Variants in WASF2 observed in about 807,000 individuals in gnomAD.
WASF2 encodes the protein WASP family member 2, also known as actin-binding protein WASF2.
WASF2 carries 14 observed loss-of-function variants against 45.0 expected under a neutral mutation model. The ratio of observed to expected loss-of-function variants is 0.31; its 90% confidence interval spans 0.21 to 0.49. WASF2 has a LOEUF of 0.49. WASF2 is among the 20% of genes least tolerant of loss of function. The pLI, the probability that WASF2 is intolerant of heterozygous loss-of-function variation, is 0.99. For missense variants in WASF2, 439 were observed against 636.1 expected, an observed-to-expected ratio of 0.69 and a Z score of 3.33; for synonymous variants, 200 against 236.3, an observed-to-expected ratio of 0.85 and a Z score of 1.41.
chr1:27,418,757 G>T (rs2016860613), intron 3 of WASF2, among the ~76,000 whole-genome samples, 197 bp downstream of exon 3: 1 of 152,170 alleles, frequency 6.6e-6, no homozygotes, highest in African/African-American at 2.4e-5. Context: ...GGGGGAATGG[G>T]AGAAAGGAGT....
chr1:27,428,618 T>G, intron 2 of WASF2, 143 bp downstream of exon 2: 5 of 1,240,588 alleles, frequency 4.0e-6, no homozygotes, highest in East Asian at 2.5e-5. Context: ...GAGCCTCTCT[T>G]TGGGGAGGAG....
rs1557601983 is a variant in WASF2, at chr1:27,428,749, T to G, written c.130+12A>C. 1 of 1,613,998 alleles carries G rather than the reference T, an allele frequency of 6.2e-7. No individual in the cohort carries two copies. The highest frequency in any genetic ancestry group is 8.5e-7 in the Non-Finnish European group (1 of 1,180,008). The stretch of plus-strand genomic sequence containing the variant: ...CCCTGAGGGCAAAGCACAGGCTCTC[T>G]GAGGCACTCACTCAGGCTGCCCAGC... On this transcript the variant is annotated intron_variant, in intron 2 of 8. Coordinates refer to ENST00000618852, the MANE Select transcript of WASF2 (RefSeq NM_006990.5).
intron 1 of WASF2, among the ~76,000 whole-genome samples, chr1:27,448,657 C>G (rs1023875076): frequency 3.3e-5 from 5 of 151,968 alleles, no homozygotes; most frequent in African/African-American, 1.2e-4. Context: ...TCGAGACCAG[C>G]TTGGCCAACA....
chr1:27,436,119 G>C (rs2017134138), intron 1 of WASF2, among the ~76,000 whole-genome samples: 1 of 152,180 alleles, frequency 6.6e-6, no homozygotes, highest in African/African-American at 2.4e-5. Flanking sequence ...GTTTACTCTT[G>C]AGTTTCCTCT....
chr1:27,454,183 ATATAT>A (rs1263455786), intron 1 of WASF2, among the ~76,000 whole-genome samples: 3 of 8,480 alleles, frequency 3.5e-4, no homozygotes, highest in Non-Finnish European at 5.6e-4. Flanking sequence ...ATATATATAT[ATATAT>A]TTTTTTTTTT....
chr1:27,417,604 G>GT (rs1038623196), intron 4 of WASF2, among the ~76,000 whole-genome samples: 14 of 152,296 alleles, frequency 9.2e-5, no homozygotes, highest in African/African-American at 2.9e-4. Flanking sequence ...CTCTTCAGTG[G>GT]TTTTTTGCAG....
chr1:27,487,658 A>ATATATAT (rs2017961162), intron 1 of WASF2, among the ~76,000 whole-genome samples: 1 of 96,580 alleles, frequency 1.0e-5, no homozygotes, highest in Non-Finnish European at 1.9e-5. Flanking sequence ...ATATTATATA[A>ATATATAT]TATATATTAT....
chr1:27,404,670 T>C lies in WASF2; in HGVS notation c.*3519A>G, dbSNP rs1047244707. The C allele has an allele frequency of 3.9e-5, 6 of 152,212 alleles. No homozygotes were observed. Among genetic ancestry groups the C allele is most frequent in the East Asian group, 1.9e-4 (1 of 5,202 alleles). The allele number at this position is 152,212 out of a possible 1,614,324, so 9.4% of individuals were successfully genotyped here. On this transcript the variant is annotated 3_prime_UTR_variant, in exon 9 of 9. Coordinates refer to ENST00000618852, the MANE Select transcript of WASF2 (RefSeq NM_006990.5). Reference sequence around the variant, plus strand: ...GAGAAAACAAGGCACTTTGGGAGCATTATGGCTTACTCTACTACATGTACA... The same window carrying C: ...GAGAAAACAAGGCACTTTGGGAGCACTATGGCTTACTCTACTACATGTACA...
chr1:27,476,313 G>T (rs181553168), intron 1 of WASF2, among the ~76,000 whole-genome samples: 9 of 152,272 alleles, frequency 5.9e-5, no homozygotes, highest in Admixed American at 5.9e-4. Flanking sequence ...AGGAAACAGT[G>T]CCAGCATGTG....
Position 27,406,628 on chromosome 1 carries a change from A to G in WASF2, c.*1561T>C, listed in dbSNP as rs2016679997. ...CTACACAATAGTTAGGGCAGAAGAA[A>G]AGAAACCTCACTGTTGGCTAGAGCT... On this transcript the variant is annotated 3_prime_UTR_variant, in exon 9 of 9. Transcript: ENST00000618852. 1 of 152,554 alleles carries G rather than the reference A, an allele frequency of 6.6e-6. No homozygotes were observed. Among genetic ancestry groups the G allele is most frequent in the African/African-American group, 2.4e-5 (1 of 41,456 alleles). 9.5% of individuals were successfully genotyped at this position (152,554 alleles called of 1,614,324 possible).
At chr1:27,467,882 A>G (rs2148135536) in intron 1 of WASF2, among the ~76,000 whole-genome samples, 1 of 152,072 alleles carries the variant, frequency 6.6e-6, no homozygotes, top group African/African-American at 2.4e-5. Context: ...ACTGCACTCC[A>G]GCCTGGGTGA....
chr1:27,449,846 G>T (rs998568596), intron 1 of WASF2, among the ~76,000 whole-genome samples: 1 of 151,258 alleles, frequency 6.6e-6, no homozygotes, highest in African/African-American at 2.4e-5. Context: ...AGCAGAAAAA[G>T]AAGTTGAAAA....
chr1:27,483,714 T>C (rs572250252), intron 1 of WASF2, among the ~76,000 whole-genome samples: 1 of 151,824 alleles, frequency 6.6e-6, no homozygotes, highest in Admixed American at 6.6e-5. Context: ...CTCAGCACTT[T>C]AGGGGGCCAA....
At position 27,407,231 on chromosome 1, in the gene WASF2, G is replaced by A. The variant is rs1395486476; in HGVS notation, c.*958C>T. 6.5e-6 allele frequency: 1 copy of A among 152,756 alleles called. No homozygotes were observed. Among genetic ancestry groups the A allele is most frequent in the Non-Finnish European group, 1.5e-5 (1 of 68,140 alleles). 9.5% of individuals were successfully genotyped at this position (152,756 alleles called of 1,614,324 possible). A position where few individuals can be genotyped will look rare whatever the true frequency, so the allele number is the denominator to read the frequency against. On this transcript the variant is annotated 3_prime_UTR_variant, in exon 9 of 9. Transcript: ENST00000618852. ...AGAAAGCACAGGTGACTTGGAATCA[G>A]GAACTCTGCGCTCTAGCTATGTCAC...
intron 2 of WASF2, among the ~76,000 whole-genome samples, chr1:27,426,792 G>T (rs1432247545): frequency 6.6e-6 from 1 of 152,130 alleles, no homozygotes; most frequent in African/African-American, 2.4e-5. Flanking sequence ...TTACAGGCAT[G>T]AGCCACTGTG....
chr1:27,437,865 G>A (rs1179654067), intron 1 of WASF2, among the ~76,000 whole-genome samples: 1 of 151,966 alleles, frequency 6.6e-6, no homozygotes, highest in African/African-American at 2.4e-5. Flanking sequence ...AAACAACTAA[G>A]CTGTTCTGAA....
At chr1:27,476,854 G>T (rs1486556770) in intron 1 of WASF2, among the ~76,000 whole-genome samples, 1 of 152,148 alleles carries the variant, frequency 6.6e-6, no homozygotes, top group African/African-American at 2.4e-5. Context: ...ATGGTGCAAG[G>T]CTCTGTGTGT....
Position 27,415,971 on chromosome 1 carries a change from C to A in WASF2, c.537+14G>T. 2 of 1,605,092 alleles carry A rather than the reference C, an allele frequency of 1.2e-6. No individual in the cohort carries two copies. Among genetic ancestry groups the A allele is most frequent in the South Asian group, 2.2e-5 (2 of 90,838 alleles). ...GCCTACTGATGTGGAGAACAGAGGCCCCTTTCCCCTCACCCTATGCTTTCT... is the reference window on the plus strand; with the variant it reads ...GCCTACTGATGTGGAGAACAGAGGCACCTTTCCCCTCACCCTATGCTTTCT... On this transcript the variant is annotated intron_variant, in intron 5 of 8. Coordinates refer to ENST00000618852, the MANE Select transcript of WASF2 (RefSeq NM_006990.5).
chr1:27,488,545 T>C (rs983682304), intron 1 of WASF2, among the ~76,000 whole-genome samples: 1 of 152,214 alleles, frequency 6.6e-6, no homozygotes, highest in African/African-American at 2.4e-5. Flanking sequence ...GAACTTTTTC[T>C]ACAGGCAACC....
Sources: allele counts gnomAD v4.1 joint callset (sites outside exome capture counted in the v4.1 genomes callset), GRCh38; gene constraint gnomAD v4.1.1; transcripts MANE v1.5; gene names NCBI Gene and HGNC (gene_info 2026-07-23, HGNC 2026-07-21).